The following TECRL variants were observed in gnomAD, a reference collection of about 807,000 sequenced individuals.
TECRL encodes trans-2,3-enoyl-CoA reductase like, also known as trans-2,3-enoyl-CoA reductase-like.
Under a neutral mutation model 52.8 loss-of-function variants are expected in TECRL, and 63 were observed. That is an observed-to-expected ratio of 1.19 (90% CI 0.97 to 1.47). TECRL has a LOEUF of 1.47. TECRL is among the 40% of genes most tolerant of loss of function. TECRL has a pLI of 0.00. For synonymous variants in TECRL, 164 were observed against 141.9 expected (o/e 1.16, Z -1.10); for missense variants, 482 against 429.6 (o/e 1.12, Z -1.08).
At chr4:64,405,142 A>G (rs180688982) in intron 1 of TECRL, among the ~76,000 whole-genome samples, 4 of 152,264 alleles carry the variant, frequency 2.6e-5, no homozygotes, top group Admixed American at 2.6e-4. Flanking sequence ...GAAGCATAAT[A>G]AAAAATGTTG....
At chr4:64,361,956 A>G (rs1195637233) in intron 2 of TECRL, among the ~76,000 whole-genome samples, 3 of 152,090 alleles carry the variant, frequency 2.0e-5, no homozygotes, top group Non-Finnish European at 2.9e-5. Context: ...TCCAAGAAAA[A>G]CTAAAATGGT....
intron 1 of TECRL, among the ~76,000 whole-genome samples, chr4:64,387,095 T>A (rs540469994): frequency 6.6e-6 from 1 of 152,158 alleles, no homozygotes; most frequent in Non-Finnish European, 1.5e-5. Flanking sequence ...CCATCCCCAC[T>A]GGCAACCACT....
intron 5 of TECRL, among the ~76,000 whole-genome samples, chr4:64,313,977 CAAAAAA>C (rs752037972): frequency 3.2e-5 from 2 of 61,960 alleles, no homozygotes; most frequent in African/African-American, 1.0e-4. Flanking sequence ...ACTAAAAATA[CAAAAAA>C]AAAAAAAAAA....
intron 1 of TECRL, among the ~76,000 whole-genome samples, chr4:64,389,023 T>C (rs943000970): frequency 6.6e-6 from 1 of 151,840 alleles, no homozygotes; most frequent in Admixed American, 6.6e-5. Flanking sequence ...CTTGGGTTTT[T>C]CCAGACCAAT....
At chr4:64,338,717 T>C (rs573652480) in intron 2 of TECRL, among the ~76,000 whole-genome samples, 2 of 152,062 alleles carry the variant, frequency 1.3e-5, no homozygotes, top group African/African-American at 4.8e-5. Flanking sequence ...GAAATGCAAA[T>C]CAAAACCACA....
rs1396297902 is a variant in TECRL, at chr4:64,288,216, A to G, written c.832+1494T>C. 2.0e-5 allele frequency among the ~76,000 whole-genome samples: 3 copies of G among 152,204 alleles called. No homozygotes were observed. The East Asian group carries it at 5.8e-4, about 29-fold the overall frequency. ...GCAGTGGAGACAACTCACAACATCA[A>G]CAAGACATTTGGCCCAAGAACCGCT... On this transcript the variant is annotated intron_variant, in intron 9 of 11. Transcript: ENST00000381210.
At chr4:64,289,575 T>TA in intron 9 of TECRL, 135 bp downstream of exon 9, 1 of 694,652 alleles carries the variant, frequency 1.4e-6, no homozygotes. Flanking sequence ...AAACTAGACA[T>TA]AAAAGGGAAA....
intron 2 of TECRL, among the ~76,000 whole-genome samples, chr4:64,344,707 A>G (rs550395701): frequency 6.6e-6 from 1 of 152,350 alleles, no homozygotes; most frequent in South Asian, 2.1e-4. Flanking sequence ...GCTACCAACC[A>G]TAGCTCTCAG....
intron 1 of TECRL, among the ~76,000 whole-genome samples, chr4:64,401,124 C>T (rs536666583): frequency 6.6e-6 from 1 of 152,294 alleles, no homozygotes; most frequent in African/African-American, 2.4e-5. Flanking sequence ...GTTTCTACTA[C>T]ACATTTTATC....
At chr4:64,286,441 A>G (rs995643613) in intron 9 of TECRL, among the ~76,000 whole-genome samples, 13 of 152,052 alleles carry the variant, frequency 8.5e-5, no homozygotes, top group Non-Finnish European at 1.9e-4. Flanking sequence ...CTAGAGACAG[A>G]AGAAGGAACA....
At chr4:64,375,716 G>C (rs1394026407) in intron 1 of TECRL, among the ~76,000 whole-genome samples, 3 of 151,664 alleles carry the variant, frequency 2.0e-5, no homozygotes, top group Non-Finnish European at 4.4e-5. Flanking sequence ...CCAAATAAAA[G>C]TACTAAAGGT....
chr4:64,294,482 T>C (rs1379312320), intron 8 of TECRL, among the ~76,000 whole-genome samples: 2 of 152,172 alleles, frequency 1.3e-5, no homozygotes, highest in African/African-American at 2.4e-5. Context: ...TATTTTCCTG[T>C]TATAGCTAGA....
chr4:64,320,269 AT>A (rs1290523878), intron 4 of TECRL, among the ~76,000 whole-genome samples: 1 of 151,950 alleles, frequency 6.6e-6, no homozygotes, highest in African/African-American at 2.4e-5. Context: ...TAAAATCTTA[AT>A]TTTAACCTTG....
chr4:64,355,278 A>C, intron 2 of TECRL, among the ~76,000 whole-genome samples: 1 of 152,202 alleles, frequency 6.6e-6, no homozygotes, highest in East Asian at 1.9e-4. Flanking sequence ...TTAAAACGAA[A>C]TTAGATGAAT....
chr4:64,285,696 G>T (rs1490832680), intron 9 of TECRL, among the ~76,000 whole-genome samples: 1 of 151,948 alleles, frequency 6.6e-6, no homozygotes, highest in African/African-American at 2.4e-5. Context: ...AAAAGATCTG[G>T]GACTTTATAG....
intron 3 of TECRL, 71 bp from the exon 4 acceptor site, chr4:64,322,863 T>C: frequency 8.9e-7 from 1 of 1,127,424 alleles, no homozygotes; most frequent in East Asian, 2.6e-5. Context: ...AATTTCTTAG[T>C]GTAAAATCAG....
At chr4:64,290,739 A>T (rs552838718) in intron 8 of TECRL, among the ~76,000 whole-genome samples, 51 of 152,266 alleles carry the variant, frequency 3.3e-4, no homozygotes, top group African/African-American at 1.2e-3. Flanking sequence ...GAAAAAATAG[A>T]TTGAAAGAGA....
Position 64,281,555 on chromosome 4 carries a change from G to A in TECRL, c.837C>T (p.Asn279=). Residue 279 remains asparagine, a synonymous_variant, in exon 10 of 12, where the codon AAC becomes AAT. Coordinates refer to ENST00000381210, the MANE Select transcript of TECRL (RefSeq NM_001010874.5). ...AATTTGGACTTGGGAAACAGGCATT[G>A]TTTCCTTTTTCAAAGGAAAGTAAAA... The part of the protein sequence containing the change: ...VMLSHPNHTG[N]NACFPSPNYN... 6.3e-7 allele frequency: 1 copy of A among 1,589,622 alleles called. No homozygotes were observed. Among genetic ancestry groups the A allele is most frequent in the South Asian group, 1.1e-5 (1 of 88,976 alleles).
chr4:64,308,655 T>A (rs1485866662), intron 6 of TECRL, among the ~76,000 whole-genome samples: 2 of 152,210 alleles, frequency 1.3e-5, no homozygotes, highest in Admixed American at 6.5e-5. Context: ...CTAATCACTG[T>A]CTAGTGGCCA....
Sources: gnomAD v4.1 joint callset for allele counts (sites outside exome capture counted in the v4.1 genomes callset) on GRCh38, gnomAD v4.1.1 for gene constraint, MANE v1.5 for transcripts, NCBI Gene and HGNC (gene_info 2026-07-23, HGNC 2026-07-21) for gene names.